PRKN: variants seen among roughly 807,000 people sequenced by gnomAD.
The protein encoded by PRKN is E3 ubiquitin-protein ligase parkin.
A neutral mutation model predicts 59.5 loss-of-function variants in PRKN; 56 were observed. The ratio of observed to expected loss-of-function variants is 0.94; its 90% CI spans 0.76 to 1.18. The LOEUF is 1.18. Ranked by LOEUF, PRKN falls within the 50% of genes most tolerant of loss-of-function variation. The pLI is 0.00. For synonymous variants in PRKN, 250 were observed against 222.1 expected (o/e 1.13, Z -1.12); for missense variants, 657 against 596.4 (o/e 1.10, Z -1.06).
At chr6:161,930,322 A>G (rs1779125041) in intron 6 of PRKN, among the ~76,000 whole-genome samples, 1 of 152,236 alleles carries the variant, frequency 6.6e-6, no homozygotes, top group Non-Finnish European at 1.5e-5. Flanking sequence ...AATAGATACA[A>G]TAATAAATAG....
In PRKN at chr6:161,724,880, G is replaced by A. The variant is rs10455892; in HGVS notation, c.871+60892C>T. ...TGCTGGAGATGGGGCCTGGTAGGAG[G>A]TGTTTGGGTCATAGGGGTGAAACCC... is the stretch of plus-strand genomic sequence containing the variant. On this transcript the variant is annotated intron_variant, in intron 7 of 11. Transcript: ENST00000366898. Among the ~76,000 whole-genome samples the A allele has an allele frequency of 5.0e-3, 759 of 152,314 alleles. 3 individuals carry two copies. Among genetic ancestry groups the A allele is most frequent in the Non-Finnish European group, 7.6e-3 (514 of 68,026 alleles).
intron 1 of PRKN, among the ~76,000 whole-genome samples, chr6:162,623,981 T>G (rs2803036): frequency 0.92 from 139,487 of 152,160 alleles, 64,086 homozygotes; most frequent in Admixed American, 0.97. Flanking sequence ...AGGCATGGTG[T>G]CTCACACCTG....
chr6:161,441,646 TAAAA>T (rs549048343), intron 9 of PRKN, among the ~76,000 whole-genome samples: 1,104 of 97,500 alleles, frequency 0.011, 20 homozygotes, highest in East Asian at 0.056. Context: ...CTCTGTCTCT[TAAAA>T]AAAAAAAAAA....
Position 161,598,347 on chromosome 6 carries a change from G to A in PRKN, c.872-28931C>T, listed in dbSNP as rs559601035. Among the ~76,000 whole-genome samples, 3 of 152,264 alleles carry A rather than the reference G, an allele frequency of 2.0e-5. No homozygotes were observed. In the South Asian group the frequency reaches 6.2e-4, roughly 32 times the overall value. On this transcript the variant is annotated intron_variant, in intron 7 of 11. Transcript: ENST00000366898. ...GCTCTATATTGAGAAACATTCAATTGTATGATAGCATGGAACATAATTTTG... is the reference window on the plus strand; with the variant it reads ...GCTCTATATTGAGAAACATTCAATTATATGATAGCATGGAACATAATTTTG...
chr6:161,974,516 T>C (rs551515389), intron 5 of PRKN, among the ~76,000 whole-genome samples: 6 of 152,280 alleles, frequency 3.9e-5, no homozygotes, highest in Admixed American at 6.5e-5. Flanking sequence ...CGTTTTTTCT[T>C]CACTTTTTTC....
At chr6:162,501,384 G>A (rs1404406941) in intron 1 of PRKN, among the ~76,000 whole-genome samples, 1 of 143,474 alleles carries the variant, frequency 7.0e-6, no homozygotes, top group South Asian at 2.2e-4. Flanking sequence ...GTTTAACTCT[G>A]TCACCCAGGC....
intron 2 of PRKN, among the ~76,000 whole-genome samples, chr6:162,421,525 G>T (rs1199104192): frequency 6.6e-6 from 1 of 151,916 alleles, no homozygotes; most frequent in African/African-American, 2.4e-5. Flanking sequence ...TCAATTTTTT[G>T]GTTTATTTGT....
At chr6:162,604,330 G>A (rs896760105) in intron 1 of PRKN, among the ~76,000 whole-genome samples, 6 of 152,054 alleles carry the variant, frequency 3.9e-5, no homozygotes, top group African/African-American at 1.2e-4. Context: ...TATTTGTTTC[G>A]CAGCCTGTGC....
chr6:161,764,451 T>C (rs1054776933), intron 7 of PRKN, among the ~76,000 whole-genome samples: 10 of 152,204 alleles, frequency 6.6e-5, no homozygotes, highest in African/African-American at 2.2e-4. Flanking sequence ...GTCTTTGTTT[T>C]TACTTAGAGG....
At chr6:162,387,851 A>G (rs1034904793) in intron 2 of PRKN, among the ~76,000 whole-genome samples, 1 of 152,182 alleles carries the variant, frequency 6.6e-6, no homozygotes, top group African/African-American at 2.4e-5. Flanking sequence ...CAAGCAATGA[A>G]ACAAGGTGGC....
chr6:162,707,172 A>G (rs1234952734), intron 1 of PRKN, among the ~76,000 whole-genome samples: 1 of 152,326 alleles, frequency 6.6e-6, no homozygotes, highest in East Asian at 1.9e-4. Flanking sequence ...GACCAAAATC[A>G]AGATAATTCT....
intron 7 of PRKN, among the ~76,000 whole-genome samples, chr6:161,645,738 T>G (rs73595361): frequency 6.6e-6 from 1 of 152,278 alleles, no homozygotes; most frequent in Non-Finnish European, 1.5e-5. Context: ...TCACTTTGTA[T>G]TGCATGGACA....
rs915229929 is a variant in PRKN, at chr6:162,612,420, T to C, written c.7+115242A>G. Among the ~76,000 whole-genome samples the C allele has an allele frequency of 3.3e-5, 5 of 151,074 alleles. No homozygotes were observed. The East Asian group carries it at 5.9e-4, about 18-fold the overall frequency. On this transcript the variant is annotated intron_variant, in intron 1 of 11. Coordinates refer to ENST00000366898, the MANE Select transcript of PRKN (RefSeq NM_004562.3). The stretch of plus-strand genomic sequence containing the variant: ...TTAGACATGTTAACACTGGGGAAAA[T>C]AGCTTTCTAGCGCAGTGGAAACCAG...
At chr6:162,469,509 T>TACACACACACACAC (rs74725154) in intron 1 of PRKN, among the ~76,000 whole-genome samples, 1 of 148,928 alleles carries the variant, frequency 6.7e-6, no homozygotes, top group African/African-American at 2.5e-5. Flanking sequence ...TGTGTGTGTA[T>TACACACACACACAC]ACACACACAC....
chr6:162,331,933 G>T (rs1258997549), intron 2 of PRKN, among the ~76,000 whole-genome samples: 1 of 152,152 alleles, frequency 6.6e-6, no homozygotes, highest in Admixed American at 6.6e-5. Flanking sequence ...AAACTTTAAT[G>T]ACTTTTAGTG....
chr6:162,010,205 A>G (rs1782438260), intron 5 of PRKN, among the ~76,000 whole-genome samples: 1 of 136,626 alleles, frequency 7.3e-6, no homozygotes, highest in South Asian at 2.1e-4. Flanking sequence ...AATTTCTGAT[A>G]TATATATTAT....
At chr6:162,099,022 A>G (rs1208700857) in intron 4 of PRKN, among the ~76,000 whole-genome samples, 2 of 141,450 alleles carry the variant, frequency 1.4e-5, no homozygotes, top group African/African-American at 2.5e-5. Flanking sequence ...AGCTTTTAAT[A>G]AAAGCTCTTT....
chr6:162,585,903 C>T (rs991934047), intron 1 of PRKN, among the ~76,000 whole-genome samples: 3 of 152,162 alleles, frequency 2.0e-5, no homozygotes, highest in Non-Finnish European at 2.9e-5. Context: ...CAGGGTTTCA[C>T]CATGTTAGCC....
chr6:161,658,557 T>A lies in PRKN; in HGVS notation c.872-89141A>T, dbSNP rs143037913. Among the ~76,000 whole-genome samples the A allele has an allele frequency of 1.9e-3, 287 of 152,352 alleles. 1 individual carries two copies. The Middle Eastern group carries it at 0.034, about 18-fold the overall frequency. On this transcript the variant is annotated intron_variant, in intron 7 of 11. Transcript: ENST00000366898. Reference sequence around the variant, plus strand: ...AACAGGATCTGGATAAAGGTCATATTTTTAATTACTATGGGTACAAATTTT... The same window carrying A: ...AACAGGATCTGGATAAAGGTCATATATTTAATTACTATGGGTACAAATTTT...
Sources: allele counts gnomAD v4.1 joint callset (sites outside exome capture counted in the v4.1 genomes callset), GRCh38; gene constraint gnomAD v4.1.1; transcripts MANE v1.5; gene names NCBI Gene and HGNC (gene_info 2026-07-23, HGNC 2026-07-21).